SDK1: variants seen among roughly 807,000 people sequenced by gnomAD.
SDK1 encodes protein sidekick-1.
A neutral mutation model predicts 245.5 loss-of-function variants in SDK1; 157 were observed. The ratio of observed to expected loss-of-function variants is 0.64; its 90% CI spans 0.56 to 0.73. SDK1 has a LOEUF of 0.73. SDK1 is among the 30% of genes least tolerant of loss of function. SDK1 has a pLI of 0.00. For synonymous variants in SDK1, 1,647 were observed against 1,278.5 expected (o/e 1.29, Z -6.15); for missense variants, 3,583 against 3,002.3 (o/e 1.19, Z -4.52).
intron 16 of SDK1, among the ~76,000 whole-genome samples, chr7:4,012,549 C>CCTTTTT (rs1786069289): frequency 3.9e-5 from 1 of 25,960 alleles, no homozygotes; most frequent in Non-Finnish European, 1.0e-4. Flanking sequence ...CAATGTGAAG[C>CCTTTTT]TTTTTTTTTT....
At position 4,026,830 on chromosome 7, in the gene SDK1, G is replaced by C. The variant is rs991539306; in HGVS notation, c.2602+9478G>C. Reference sequence around the variant, plus strand: ...AACGATAACACCCGGCACACAAACGGCAATATGTACACCCACCCAGCGGTG... The same window carrying C: ...AACGATAACACCCGGCACACAAACGCCAATATGTACACCCACCCAGCGGTG... On this transcript the variant is annotated intron_variant, in intron 17 of 44. Coordinates refer to ENST00000404826, the MANE Select transcript of SDK1 (RefSeq NM_152744.4). This position sits in a 1 kb window ranked among gnomAD's most constrained non-coding sequence, Gnocchi z 4.1. Among the ~76,000 whole-genome samples, 1 of 152,152 alleles carries C rather than the reference G, an allele frequency of 6.6e-6. No individual in the cohort carries two copies. Among genetic ancestry groups the C allele is most frequent in the Non-Finnish European group, 1.5e-5 (1 of 68,032 alleles).
chr7:4,097,165 G>A (rs963024416), intron 22 of SDK1, among the ~76,000 whole-genome samples: 12 of 149,488 alleles, frequency 8.0e-5, no homozygotes, highest in African/African-American at 3.0e-4. Context: ...GCATTGGCCT[G>A]TTCCTGCCCC....
At chr7:3,774,083 C>A (rs990499310) in intron 4 of SDK1, among the ~76,000 whole-genome samples, 4 of 151,904 alleles carry the variant, frequency 2.6e-5, no homozygotes, top group Non-Finnish European at 5.9e-5. Context: ...GGCATGGTGG[C>A]GGGTGCCTGT....
At chr7:3,368,422 C>T (rs1190690475) in intron 1 of SDK1, among the ~76,000 whole-genome samples, 1 of 152,150 alleles carries the variant, frequency 6.6e-6, no homozygotes, top group Non-Finnish European at 1.5e-5. Flanking sequence ...TTTCAAATCC[C>T]ATATCTCTTA....
rs112434678 is a variant in SDK1 at position 3,915,708 on chromosome 7, G to C, written c.848-35215G>C. On this transcript the variant is annotated intron_variant, in intron 5 of 44. Coordinates refer to ENST00000404826, the MANE Select transcript of SDK1 (RefSeq NM_152744.4). ...TACATACACTAACCAAGCACCCTCT[G>C]TGGCTGACTCCAAGTTGTCATGGAA... 3.5e-3 allele frequency among the ~76,000 whole-genome samples: 531 copies of C among 152,230 alleles called. 2 individuals are homozygous for C. Among genetic ancestry groups the C allele is most frequent in the African/African-American group, 0.012 (515 of 41,528 alleles).
intron 1 of SDK1, among the ~76,000 whole-genome samples, chr7:3,436,186 C>G (rs910509674): frequency 1.3e-5 from 2 of 151,992 alleles, no homozygotes; most frequent in African/African-American, 2.4e-5. Context: ...ATGAAGTAAG[C>G]TGACATTTGA....
At chr7:4,078,886 C>G (rs1458270651) in intron 21 of SDK1, among the ~76,000 whole-genome samples, 1 of 152,142 alleles carries the variant, frequency 6.6e-6, no homozygotes, top group Non-Finnish European at 1.5e-5. Context: ...TCTGCACTTG[C>G]ACGAGAATTT....
chr7:3,722,751 G>T (rs371100919), intron 4 of SDK1, among the ~76,000 whole-genome samples: 1 of 152,132 alleles, frequency 6.6e-6, no homozygotes, highest in African/African-American at 2.4e-5. Context: ...CCGGGGACTC[G>T]CGCGGGTGGC....
intron 22 of SDK1, among the ~76,000 whole-genome samples, chr7:4,092,052 C>T (rs151077694): frequency 2.6e-5 from 4 of 152,260 alleles, no homozygotes; most frequent in East Asian, 3.9e-4. Context: ...GGGATCACAG[C>T]GACAGGGCCC....
chr7:3,828,706 C>A (rs1358715767), intron 5 of SDK1, among the ~76,000 whole-genome samples: 2 of 130,934 alleles, frequency 1.5e-5, no homozygotes, highest in Non-Finnish European at 3.1e-5. Context: ...GACTGGAGTG[C>A]AGTAGTGAGA....
At chr7:3,712,095 G>C (rs1785066700) in intron 4 of SDK1, among the ~76,000 whole-genome samples, 1 of 152,136 alleles carries the variant, frequency 6.6e-6, no homozygotes, top group Non-Finnish European at 1.5e-5. Flanking sequence ...CCTTGGGTAG[G>C]AACCAGGCCA....
intron 4 of SDK1, among the ~76,000 whole-genome samples, chr7:3,722,533 G>C (rs1190095029): frequency 2.0e-5 from 3 of 152,128 alleles, no homozygotes; most frequent in Non-Finnish European, 4.4e-5. Context: ...CTTCAATCCT[G>C]TATCTATGTC....
intron 4 of SDK1, among the ~76,000 whole-genome samples, chr7:3,717,729 T>C (rs1785244121): frequency 6.6e-6 from 1 of 152,184 alleles, no homozygotes; most frequent in Non-Finnish European, 1.5e-5. Flanking sequence ...TATAGATATA[T>C]AACCTGAATA....
At chr7:3,518,841 C>T (rs576654548) in intron 1 of SDK1, among the ~76,000 whole-genome samples, 87 of 152,194 alleles carry the variant, frequency 5.7e-4, no homozygotes, top group African/African-American at 2.0e-3. Context: ...GAGATACCTG[C>T]ACTTCTGTGT....
intron 1 of SDK1, among the ~76,000 whole-genome samples, chr7:3,514,894 T>G (rs1010282919): frequency 7.2e-5 from 11 of 152,216 alleles, no homozygotes; most frequent in Non-Finnish European, 1.3e-4. Flanking sequence ...TCTCTCTCTC[T>G]TTCTCTCTTT....
At chr7:3,609,821 C>T (rs1212495298) in intron 1 of SDK1, among the ~76,000 whole-genome samples, 1 of 151,916 alleles carries the variant, frequency 6.6e-6, no homozygotes, top group African/African-American at 2.4e-5. Flanking sequence ...CTGCCTCAGA[C>T]TCACAGGTAG....
intron 5 of SDK1, among the ~76,000 whole-genome samples, chr7:3,883,692 C>G (rs533493459): frequency 7.0e-6 from 1 of 142,360 alleles, no homozygotes. Context: ...CTCGCTCCCT[C>G]GCTCCCTCCC....
At chr7:4,017,390 T>C (rs764184352) in intron 17 of SDK1, 38 bp downstream of exon 17, 2 of 1,563,924 alleles carry the variant, frequency 1.3e-6, no homozygotes, top group Non-Finnish European at 1.7e-6. Flanking sequence ...GGCGGGATCT[T>C]TGCCGGGGAA....
At chr7:3,521,436 AACAT>A (rs1782936103) in intron 1 of SDK1, among the ~76,000 whole-genome samples, 1 of 152,056 alleles carries the variant, frequency 6.6e-6, no homozygotes, top group Admixed American at 6.5e-5. Context: ...CATGTATACA[AACAT>A]ACTCTTTCTA....
Sources: gnomAD v4.1 joint callset for allele counts (sites outside exome capture counted in the v4.1 genomes callset) on GRCh38, gnomAD v4.1.1 for gene constraint, Gnocchi (gnomAD v3.1) non-coding constraint, MANE v1.5 for transcripts, NCBI Gene and HGNC (gene_info 2026-07-23, HGNC 2026-07-21) for gene names.